GALNTL6: variants seen among roughly 807,000 people sequenced by gnomAD.
The protein encoded by GALNTL6 is polypeptide N-acetylgalactosaminyltransferase-like 6.
In GALNTL6, 46 loss-of-function variants were observed where a neutral mutation model predicts 73.7. The ratio of observed to expected loss-of-function variants is 0.62; its 90% confidence interval spans 0.49 to 0.80. GALNTL6 has a LOEUF of 0.80. Among genes scored for constraint, GALNTL6 ranks in the 30% least tolerant of loss-of-function variants. The pLI is 0.00. For synonymous variants in GALNTL6, 259 were observed against 263.7 expected, an observed-to-expected ratio of 0.98 and a Z score of 0.17; for missense variants, 604 against 755.0, an observed-to-expected ratio of 0.80 and a Z score of 2.34.
At chr4:172,830,900 C>T (rs147733196) in intron 7 of GALNTL6, among the ~76,000 whole-genome samples, 78 of 152,252 alleles carry the variant, frequency 5.1e-4, no homozygotes, top group African/African-American at 1.6e-3. Context: ...TAGCGCACGC[C>T]TGTAATCCCA....
chr4:172,884,414 T>A (rs1479427339), intron 8 of GALNTL6, among the ~76,000 whole-genome samples: 2 of 152,236 alleles, frequency 1.3e-5, no homozygotes, highest in Non-Finnish European at 2.9e-5. Flanking sequence ...CATTTGTATG[T>A]CTTCTTTTGA....
At chr4:172,719,165 A>T in intron 5 of GALNTL6, among the ~76,000 whole-genome samples, 1 of 152,216 alleles carries the variant, frequency 6.6e-6, no homozygotes, top group East Asian at 1.9e-4. Flanking sequence ...TAGTAGCCAA[A>T]TTAGCCCTTT....
Position 172,487,338 on chromosome 4 carries a change from CTTT to C in GALNTL6, c.553+138650_553+138652del. 3.2e-5 allele frequency among the ~76,000 whole-genome samples: 4 copies of C among 123,620 alleles called. No individual in the cohort carries two copies. In the Admixed American group the frequency reaches 3.5e-4, roughly 11 times the overall value. The allele number at this position is 123,620 out of a possible 152,430, so 81.1% of individuals were successfully genotyped here. ...TCTTTCTTTCTTTCTTTCTTTCTTT[CTTT>C]CTTTCTTTCTTTCTTTCCTTCTTTC... On this transcript the variant is annotated intron_variant, in intron 5 of 12. Coordinates refer to ENST00000506823, the MANE Select transcript of GALNTL6 (RefSeq NM_001034845.3).
intron 2 of GALNTL6, among the ~76,000 whole-genome samples, chr4:172,077,463 G>T (rs765748478): frequency 6.6e-6 from 1 of 152,094 alleles, no homozygotes; most frequent in Non-Finnish European, 1.5e-5. Flanking sequence ...CTAGCAAAGA[G>T]CCTGGCAGCT....
At chr4:172,016,788 T>G (rs2110791782) in intron 2 of GALNTL6, among the ~76,000 whole-genome samples, 1 of 152,168 alleles carries the variant, frequency 6.6e-6, no homozygotes, top group South Asian at 2.1e-4. Flanking sequence ...AGGATCAGAC[T>G]TTGATGTTTA....
intron 5 of GALNTL6, among the ~76,000 whole-genome samples, chr4:172,713,301 T>C (rs999337161): frequency 3.3e-5 from 5 of 150,102 alleles, no homozygotes; most frequent in Non-Finnish European, 7.4e-5. Flanking sequence ...TTTTAAGGAA[T>C]TGGCTCACAT....
At chr4:172,691,641 C>G (rs1412390408) in intron 5 of GALNTL6, among the ~76,000 whole-genome samples, 1 of 152,172 alleles carries the variant, frequency 6.6e-6, no homozygotes, top group Non-Finnish European at 1.5e-5. Flanking sequence ...GCAGATGACT[C>G]TGCCCCTAGG....
intron 10 of GALNTL6, among the ~76,000 whole-genome samples, chr4:172,993,020 A>G (rs926003811): frequency 6.6e-6 from 1 of 152,180 alleles, no homozygotes; most frequent in Non-Finnish European, 1.5e-5. Context: ...TCTTTCACTG[A>G]CATAATTTTC....
intron 8 of GALNTL6, among the ~76,000 whole-genome samples, chr4:172,901,932 C>T (rs752551517): frequency 6.6e-6 from 1 of 152,144 alleles, no homozygotes; most frequent in Non-Finnish European, 1.5e-5. Flanking sequence ...TAATATTAAT[C>T]TGGACTCCTG....
intron 5 of GALNTL6, among the ~76,000 whole-genome samples, chr4:172,503,129 A>G (rs1191688335): frequency 6.6e-6 from 1 of 152,128 alleles, no homozygotes; most frequent in Non-Finnish European, 1.5e-5. Context: ...GCATTAAAGT[A>G]CTTGTGTGGG....
chr4:172,138,599 G>A lies in GALNTL6; in HGVS notation c.139-91057G>A, dbSNP rs375111014. 1.9e-4 allele frequency among the ~76,000 whole-genome samples: 25 copies of A among 128,494 alleles called. No individual in the cohort carries two copies. The East Asian group carries it at 6.1e-3, about 31-fold the overall frequency. The allele number at this position is 128,494 out of a possible 152,430, so 84.3% of individuals were successfully genotyped here. Reference sequence around the variant, plus strand: ...GGCTAGAGTGCAGTGGCGCGATCTCGGCTCACTGCCAGCTCCACCTCCCGG... The same window carrying A: ...GGCTAGAGTGCAGTGGCGCGATCTCAGCTCACTGCCAGCTCCACCTCCCGG... On this transcript the variant is annotated intron_variant, in intron 2 of 12. Transcript: ENST00000506823.
At position 172,417,170 on chromosome 4, in the gene GALNTL6, TTA is replaced by T. The variant is rs1384738940; in HGVS notation, c.553+68483_553+68484del. On this transcript the variant is annotated intron_variant, in intron 5 of 12. Coordinates refer to ENST00000506823, the MANE Select transcript of GALNTL6 (RefSeq NM_001034845.3). ...TGACTCTGATTCTCCTTCTGTTGCT[TTA>T]TGTGTGTGTGTGTGTGTGTGTGAAC... Among the ~76,000 whole-genome samples, 102 of 150,438 alleles carry T rather than the reference TTA, an allele frequency of 6.8e-4. 3 individuals carry two copies. Among genetic ancestry groups the T allele is most frequent in the Admixed American group, 6.7e-3 (102 of 15,176 alleles).
At chr4:171,832,263 A>G (rs972155202) in intron 2 of GALNTL6, among the ~76,000 whole-genome samples, 7 of 151,374 alleles carry the variant, frequency 4.6e-5, no homozygotes. Flanking sequence ...ATAAATATAA[A>G]ATAGTAATCT....
intron 2 of GALNTL6, among the ~76,000 whole-genome samples, chr4:171,854,239 C>T (rs1735616929): frequency 2.6e-5 from 4 of 152,192 alleles, no homozygotes; most frequent in Admixed American, 2.6e-4. Flanking sequence ...CATCCTTTCT[C>T]CTTGTGAGTA....
chr4:171,892,589 C>CCT (rs1269053575), intron 2 of GALNTL6, among the ~76,000 whole-genome samples: 1 of 152,022 alleles, frequency 6.6e-6, no homozygotes. Context: ...TAAGACAAAG[C>CCT]CTCTCTGTGT....
At chr4:172,867,790 C>G (rs1744732659) in intron 7 of GALNTL6, among the ~76,000 whole-genome samples, 1 of 152,164 alleles carries the variant, frequency 6.6e-6, no homozygotes, top group South Asian at 2.1e-4. Flanking sequence ...TCTTTTTCAG[C>G]TATAGGGAAC....
At chr4:172,778,361 A>G (rs1362047849) in intron 5 of GALNTL6, among the ~76,000 whole-genome samples, 3 of 152,262 alleles carry the variant, frequency 2.0e-5, no homozygotes, top group Non-Finnish European at 2.9e-5. Flanking sequence ...GAATAATAAT[A>G]AACTGTATTT....
intron 2 of GALNTL6, among the ~76,000 whole-genome samples, chr4:172,102,931 T>C (rs1454991431): frequency 6.6e-6 from 1 of 152,130 alleles, no homozygotes; most frequent in Non-Finnish European, 1.5e-5. Flanking sequence ...GTACTGATTA[T>C]TGAGTTGGAG....
chr4:172,086,981 A>C lies in GALNTL6; in HGVS notation c.139-142675A>C, dbSNP rs1013585961. Among the ~76,000 whole-genome samples, 3 of 152,194 alleles carry C rather than the reference A, an allele frequency of 2.0e-5. No homozygotes were observed. The East Asian group carries it at 5.8e-4, about 29-fold the overall frequency. On this transcript the variant is annotated intron_variant, in intron 2 of 12. Transcript: ENST00000506823. The stretch of plus-strand genomic sequence containing the variant: ...CCTGTCCATAATTTAAGATGTGCAC[A>C]TGAGAGTCCCTCTTCTGTCTCCTGC...
Sources: gnomAD v4.1 joint callset for allele counts (sites outside exome capture counted in the v4.1 genomes callset) on GRCh38, gnomAD v4.1.1 for gene constraint, MANE v1.5 for transcripts, NCBI Gene and HGNC (gene_info 2026-07-23, HGNC 2026-07-21) for gene names.